Variants in KIF26B observed in about 807,000 individuals in gnomAD.
The protein encoded by KIF26B is kinesin family member 26B, also known as kinesin-like protein KIF26B.
In KIF26B, 63 loss-of-function variants were observed where a neutral mutation model predicts 151.2. The ratio of observed to expected loss-of-function variants is 0.42; its 90% confidence interval spans 0.34 to 0.51. The LOEUF is 0.51. KIF26B is among the 20% of genes least tolerant of loss of function. The probability of loss-of-function intolerance (pLI) is 0.07; values close to 1 mark genes in which losing one functional copy is unlikely to be tolerated. For synonymous variants in KIF26B, 1,357 were observed against 1,262.1 expected, an observed-to-expected ratio of 1.08 and a Z score of -1.59; for missense variants, 2,813 against 2,913.6, an observed-to-expected ratio of 0.97 and a Z score of 0.79.
intron 3 of KIF26B, among the ~76,000 whole-genome samples, chr1:245,373,257 C>G (rs2103013737): frequency 6.6e-6 from 1 of 152,300 alleles, no homozygotes; most frequent in Non-Finnish European, 1.5e-5. Context: ...ATGACTGGCC[C>G]TAGTTTAGGA....
chr1:245,327,167 G>C (rs1159544870), intron 2 of KIF26B, among the ~76,000 whole-genome samples: 1 of 152,198 alleles, frequency 6.6e-6, no homozygotes, highest in Non-Finnish European at 1.5e-5. Context: ...GCTTTGGAAG[G>C]CACCCAGGCA....
intron 2 of KIF26B, among the ~76,000 whole-genome samples, chr1:245,254,273 C>T (rs955347368): frequency 6.6e-6 from 1 of 152,086 alleles, no homozygotes; most frequent in Non-Finnish European, 1.5e-5. Context: ...GATAGGGTGG[C>T]ATAAGTGGCC....
At chr1:245,340,660 TAGAC>T (rs1485638177) in intron 2 of KIF26B, among the ~76,000 whole-genome samples, 2 of 152,164 alleles carry the variant, frequency 1.3e-5, no homozygotes, top group Non-Finnish European at 2.9e-5. Flanking sequence ...AGAGGTAAGA[TAGAC>T]AGGGTCCTGC....
chr1:245,365,163 C>T (rs1229338208), intron 2 of KIF26B, among the ~76,000 whole-genome samples: 1 of 152,208 alleles, frequency 6.6e-6, no homozygotes, highest in Non-Finnish European at 1.5e-5. Flanking sequence ...CTGCTACACG[C>T]TCTGAGTTGT....
intron 2 of KIF26B, among the ~76,000 whole-genome samples, chr1:245,291,349 C>G (rs1161918058): frequency 6.6e-6 from 1 of 152,202 alleles, no homozygotes; most frequent in Non-Finnish European, 1.5e-5. Flanking sequence ...AAGCACTTGA[C>G]TACTTTGAGT....
chr1:245,641,587 TTTC>T (rs1411519905), intron 9 of KIF26B, among the ~76,000 whole-genome samples: 2 of 152,196 alleles, frequency 1.3e-5, no homozygotes, highest in African/African-American at 2.4e-5. Flanking sequence ...TCACTGATCC[TTTC>T]TTCTTTTTGA....
chr1:245,520,611 CCCATCCAT>C lies in KIF26B; in HGVS notation c.1167-20111_1167-20104del, dbSNP rs1210147249. On this transcript the variant is annotated intron_variant, in intron 4 of 14. Coordinates refer to ENST00000407071, the MANE Select transcript of KIF26B (RefSeq NM_018012.4). The stretch of plus-strand genomic sequence containing the variant: ...ATCCATCCATCCATCCACCCACCCA[CCCATCCAT>C]CCATCCATCCATCCATCCATCCATC... Among the ~76,000 whole-genome samples, 581 of 78,766 alleles carry C rather than the reference CCCATCCAT, an allele frequency of 7.4e-3. 6 individuals carry two copies. The highest frequency in any genetic ancestry group is 0.071 in the South Asian group (138 of 1,944). The allele number at this position is 78,766 out of a possible 152,430, so 51.7% of individuals were successfully genotyped here. A position where few individuals can be genotyped will look rare whatever the true frequency, so the allele number is the denominator to read the frequency against.
At chr1:245,219,127 CTTTTTTTTT>C (rs1166578525) in intron 2 of KIF26B, among the ~76,000 whole-genome samples, 4 of 56,188 alleles carry the variant, frequency 7.1e-5, no homozygotes, top group African/African-American at 2.6e-4. Context: ...ATACCTACCT[CTTTTTTTTT>C]TTTTTTTTTT....
intron 3 of KIF26B, among the ~76,000 whole-genome samples, chr1:245,381,334 T>C (rs72761154): frequency 0.027 from 4,178 of 152,002 alleles, 89 homozygotes; most frequent in Middle Eastern, 0.051. Flanking sequence ...ATATGCCTCA[T>C]ACAAAAAATG....
chr1:245,673,023 G>T (rs34337176), intron 10 of KIF26B, among the ~76,000 whole-genome samples: 33,629 of 149,018 alleles, frequency 0.23, 4,676 homozygotes, highest in East Asian at 0.45. Context: ...CAGTCCCCAC[G>T]GCGCGCTGCC....
intron 2 of KIF26B, among the ~76,000 whole-genome samples, chr1:245,310,631 G>T (rs1166020234): frequency 6.6e-6 from 1 of 152,218 alleles, no homozygotes; most frequent in East Asian, 1.9e-4. Flanking sequence ...AGCTCATTCA[G>T]ATGTTGCCTT....
chr1:245,279,015 C>T (rs1191940925), intron 2 of KIF26B, among the ~76,000 whole-genome samples: 1 of 152,156 alleles, frequency 6.6e-6, no homozygotes, highest in Non-Finnish European at 1.5e-5. Flanking sequence ...TTTCACACAA[C>T]GTGTCTGATA....
At chr1:245,300,402 G>T (rs2102977285) in intron 2 of KIF26B, among the ~76,000 whole-genome samples, 1 of 152,266 alleles carries the variant, frequency 6.6e-6, no homozygotes, top group African/African-American at 2.4e-5. Flanking sequence ...GGAGTCCCAG[G>T]TCAAGCCAAC....
intron 2 of KIF26B, among the ~76,000 whole-genome samples, chr1:245,287,432 G>T (rs867735918): frequency 5.5e-4 from 83 of 149,564 alleles, no homozygotes; most frequent in Admixed American, 1.2e-3. Context: ...CCAAATTATT[G>T]GTCGGATTGT....
intron 2 of KIF26B, among the ~76,000 whole-genome samples, chr1:245,190,852 G>A (rs1340095939): frequency 6.6e-6 from 1 of 151,286 alleles, no homozygotes; most frequent in Non-Finnish European, 1.5e-5. Flanking sequence ...CTGAGGTCAG[G>A]AGTTCGAGAC....
At chr1:245,658,504 C>T (rs1168848979) in intron 10 of KIF26B, among the ~76,000 whole-genome samples, 1 of 152,186 alleles carries the variant, frequency 6.6e-6, no homozygotes, top group Non-Finnish European at 1.5e-5. Flanking sequence ...GATCCTCCCA[C>T]CTCAGCCTCC....
chr1:245,251,899 A>C (rs1670451520), intron 2 of KIF26B, among the ~76,000 whole-genome samples: 1 of 152,108 alleles, frequency 6.6e-6, no homozygotes, highest in Non-Finnish European at 1.5e-5. Flanking sequence ...AATATATATT[A>C]AGATTAATGT....
intron 2 of KIF26B, among the ~76,000 whole-genome samples, chr1:245,285,405 A>G (rs1223295183): frequency 1.3e-5 from 2 of 152,220 alleles, no homozygotes; most frequent in Non-Finnish European, 2.9e-5. Flanking sequence ...GGAGCGGCAA[A>G]GTCACATGGC....
chr1:245,185,744 T>G (rs1273366013), intron 2 of KIF26B, among the ~76,000 whole-genome samples: 69 of 152,238 alleles, frequency 4.5e-4, no homozygotes, highest in Non-Finnish European at 1.5e-4. Flanking sequence ...GTGTGCTAAT[T>G]TTCTAAATAA....
Sources: gnomAD v4.1 joint callset for allele counts (sites outside exome capture counted in the v4.1 genomes callset) on GRCh38, gnomAD v4.1.1 for gene constraint, MANE v1.5 for transcripts, NCBI Gene and HGNC (gene_info 2026-07-23, HGNC 2026-07-21) for gene names.